USP10: variants seen among roughly 807,000 people sequenced by gnomAD.
USP10 encodes ubiquitin carboxyl-terminal hydrolase 10.
A neutral mutation model predicts 84.5 loss-of-function variants in USP10; 22 were observed. That is an observed-to-expected ratio of 0.26 (90% confidence interval 0.19 to 0.37). The LOEUF is 0.37. USP10 is among the 10% of genes least tolerant of loss of function. USP10 has a pLI of 1.00. For missense variants in USP10, 1,019 were observed against 998.9 expected (o/e 1.02, Z -0.27); for synonymous variants, 454 against 387.6 (o/e 1.17, Z -2.01).
At chr16:84,757,986 CCTTGT>C (rs1912784431) in intron 4 of USP10, among the ~76,000 whole-genome samples, 1 of 152,116 alleles carries the variant, frequency 6.6e-6, no homozygotes, top group Non-Finnish European at 1.5e-5. Flanking sequence ...CAGGGGGAGA[CCTTGT>C]CTTGTTTTCA....
chr16:84,766,005 C>T (rs1913817005), intron 10 of USP10, among the ~76,000 whole-genome samples: 1 of 152,190 alleles, frequency 6.6e-6, no homozygotes, highest in South Asian at 2.1e-4. Context: ...TTTCTGAGGC[C>T]TTGCGGCATA....
intron 10 of USP10, among the ~76,000 whole-genome samples, chr16:84,765,380 G>A (rs1913736574): frequency 1.3e-5 from 2 of 151,880 alleles, no homozygotes; most frequent in East Asian, 1.9e-4. Context: ...AGACCTGTTC[G>A]CCTGTGTGGC....
At chr16:84,770,741 C>T (rs1288448665) in intron 11 of USP10, among the ~76,000 whole-genome samples, 11 of 148,464 alleles carry the variant, frequency 7.4e-5, no homozygotes, top group African/African-American at 1.8e-4. Context: ...CACTGCAGTC[C>T]GGCCTGGGCG....
At chr16:84,772,095 A>T (rs1392156537) in intron 11 of USP10, among the ~76,000 whole-genome samples, 1 of 151,882 alleles carries the variant, frequency 6.6e-6, no homozygotes, top group African/African-American at 2.4e-5. Context: ...TGTGTTGCCC[A>T]GGCTGGGGTA....
intron 1 of USP10, among the ~76,000 whole-genome samples, chr16:84,720,198 T>C (rs369229466): frequency 2.1e-4 from 32 of 152,304 alleles, no homozygotes; most frequent in African/African-American, 7.5e-4. Context: ...TAGGTTCTTT[T>C]TTCATGGATG....
chr16:84,758,869 A>T (rs767429003), intron 5 of USP10, 62 bp downstream of exon 5: 4 of 1,241,408 alleles, frequency 3.2e-6, no homozygotes, highest in Admixed American at 1.7e-5. Flanking sequence ...CTTTGGGTGC[A>T]TGTGACTTAG....
intron 8 of USP10, 88 bp from the exon 9 acceptor site, chr16:84,762,901 C>T: frequency 1.5e-6 from 1 of 673,930 alleles, no homozygotes; most frequent in South Asian, 2.2e-5. Flanking sequence ...TCAGAGGAGG[C>T]ATGGTTGGAC....
chr16:84,759,514 T>C lies in USP10; in HGVS notation c.1394+42T>C, dbSNP rs1013044895. The C allele has an allele frequency of 2.0e-6, 3 of 1,535,162 alleles. No individual in the cohort carries two copies. The South Asian group carries it at 3.4e-5, about 17-fold the overall frequency. Reference sequence around the variant, plus strand: ...AAGATGTGTTAAGTGGTGGGGTTTTTCCCGTCTGATAATTAGAATTGAAAT... The same window carrying C: ...AAGATGTGTTAAGTGGTGGGGTTTTCCCCGTCTGATAATTAGAATTGAAAT... On this transcript the variant is annotated intron_variant, in intron 6 of 13. Transcript: ENST00000219473.
At chr16:84,700,743 G>T (rs562201334) in intron 1 of USP10, among the ~76,000 whole-genome samples, 81 of 152,228 alleles carry the variant, frequency 5.3e-4, no homozygotes, top group African/African-American at 1.9e-3. Context: ...GACATCCCTT[G>T]CACGAATCCA....
At chr16:84,775,725 T>C (rs893074424) in intron 13 of USP10, among the ~76,000 whole-genome samples, 2 of 152,106 alleles carry the variant, frequency 1.3e-5, no homozygotes, top group Non-Finnish European at 2.9e-5. Flanking sequence ...TCATGAGAAA[T>C]CTCCCAACAG....
rs1910464993 is a variant in USP10 at position 84,740,211 on chromosome 16, G to C, written c.91-98G>C. On this transcript the variant is annotated intron_variant, in intron 2 of 13. Transcript: ENST00000219473. ...GAAGTAACGGCATGCAAAGTTGTAT[G>C]GATTAAGAGTTTTAATGAATTGTTG... 3.7e-6 allele frequency: 4 copies of C among 1,074,748 alleles called. No homozygotes were observed. The East Asian group carries it at 9.9e-5, about 27-fold the overall frequency. The allele number at this position is 1,074,748 out of a possible 1,614,324, so 66.6% of individuals were successfully genotyped here. A position where few individuals can be genotyped will look rare whatever the true frequency, so the allele number is the denominator to read the frequency against.
At chr16:84,702,845 T>C (rs1905062673) in intron 1 of USP10, among the ~76,000 whole-genome samples, 1 of 151,646 alleles carries the variant, frequency 6.6e-6, no homozygotes, top group Non-Finnish European at 1.5e-5. Flanking sequence ...ATACAAAAAT[T>C]AGCCGAGTGT....
rs1914871120 is a variant in USP10 at position 84,775,203 on chromosome 16, C to T, written c.2187C>T (p.His729=). 4 of 1,613,776 alleles carry T rather than the reference C, an allele frequency of 2.5e-6. No homozygotes were observed. Among genetic ancestry groups the T allele is most frequent in the Non-Finnish European group, 3.4e-6 (4 of 1,179,702 alleles). ...PGVKNKNFKC[H]RTYRLFAVVY... ...TTAAAAATAAGAATTTTAAATGCCA[C>T]CGAACCTATCGGCTCTTTGCAGGTG... Residue 729 remains histidine (H), a synonymous_variant, in exon 13 of 14, where the codon CAC becomes CAT. Coordinates refer to ENST00000219473, the MANE Select transcript of USP10 (RefSeq NM_005153.3).
At position 84,756,460 on chromosome 16, in the gene USP10, G is replaced by T. The variant is rs147454561; in HGVS notation, c.1193-2256G>T. ...ATACAAAAATTAGCCGGGCGTGGTGGTGCACGTCTGTAATCCCAGCTACAT... is the reference window on the plus strand; with the variant it reads ...ATACAAAAATTAGCCGGGCGTGGTGTTGCACGTCTGTAATCCCAGCTACAT... On this transcript the variant is annotated intron_variant, in intron 4 of 13. Coordinates refer to ENST00000219473, the MANE Select transcript of USP10 (RefSeq NM_005153.3). 7.9e-5 allele frequency among the ~76,000 whole-genome samples: 12 copies of T among 152,226 alleles called. No homozygotes were observed. The East Asian group carries it at 2.1e-3, about 27-fold the overall frequency.
At position 84,760,257 on chromosome 16, in the gene USP10, G is replaced by A. The variant is rs200546125; in HGVS notation, c.1536G>A (p.Lys512=). The A allele has an allele frequency of 1.2e-6, 2 of 1,606,556 alleles. No individual in the cohort carries two copies. The highest frequency in any genetic ancestry group is 1.3e-5 in the African/African-American group (1 of 74,956). The part of the protein sequence containing the change: ...TYIYRLLTVN[K]SSLSEKGRQE... ...TTTACAGACTCCTGACAGTTAACAA[G>A]TCAAGCCTGTCTGAAAAGGTTTGAG... Residue 512 remains lysine, a synonymous_variant, in exon 8 of 14, where the codon AAG becomes AAA. Transcript: ENST00000219473.
At chr16:84,768,101 C>G (rs770589245) in intron 10 of USP10, 92 bp from the exon 11 acceptor site, 175 of 1,345,950 alleles carry the variant, frequency 1.3e-4, no homozygotes, top group Admixed American at 1.9e-4. Flanking sequence ...ATTGAATAAT[C>G]TTATTTTCAG....
chr16:84,763,544 C>G (rs576160121), intron 9 of USP10, among the ~76,000 whole-genome samples: 2 of 152,374 alleles, frequency 1.3e-5, no homozygotes, highest in South Asian at 2.1e-4. Flanking sequence ...TGCGTAACCA[C>G]AGTCCCTTAT....
rs1034372044 is a variant in USP10 at position 84,705,715 on chromosome 16, C to CTTT, written c.21+5626_21+5628dup. Among the ~76,000 whole-genome samples, 329 of 71,296 alleles carry CTTT rather than the reference C, an allele frequency of 4.6e-3. 2 individuals carry two copies. Among genetic ancestry groups the CTTT allele is most frequent in the African/African-American group, 7.1e-3 (107 of 15,138 alleles). The allele number at this position is 71,296 out of a possible 152,430, so 46.8% of individuals were successfully genotyped here. A position where few individuals can be genotyped will look rare whatever the true frequency, so the allele number is the denominator to read the frequency against. ...ACAGACATAATCATGCCCTTGCTTG[C>CTTT]TTTTTTTTTTTTTTTTTTTTTTTTG... On this transcript the variant is annotated intron_variant, in intron 1 of 13. Coordinates refer to ENST00000219473, the MANE Select transcript of USP10 (RefSeq NM_005153.3).
intron 1 of USP10, among the ~76,000 whole-genome samples, chr16:84,714,022 A>T: frequency 6.6e-6 from 1 of 152,176 alleles, no homozygotes; most frequent in East Asian, 1.9e-4. Context: ...AAGTTCTGGG[A>T]GACTAGAAAG....
Sources: gnomAD v4.1 joint callset for allele counts (sites outside exome capture counted in the v4.1 genomes callset) on GRCh38, gnomAD v4.1.1 for gene constraint, MANE v1.5 for transcripts, NCBI Gene and HGNC (gene_info 2026-07-23, HGNC 2026-07-21) for gene names.